Variants in COL22A1 observed in about 807,000 individuals in gnomAD.
The protein encoded by COL22A1 is collagen type XXII alpha 1 chain, also known as collagen alpha-1(XXII) chain.
COL22A1 carries 221 observed loss-of-function variants against 248.9 expected under a neutral mutation model. The ratio of observed to expected loss-of-function variants is 0.89; its 90% confidence interval spans 0.80 to 0.99. The LOEUF (loss-of-function observed/expected upper bound fraction) is 0.99. Ranked by LOEUF, COL22A1 falls within the 50% of genes least tolerant of loss-of-function variation. The probability of loss-of-function intolerance (pLI) is 0.00; values close to 1 mark genes in which losing one functional copy is unlikely to be tolerated. For synonymous variants in COL22A1, 891 were observed against 793.4 expected (o/e 1.12, Z -2.07); for missense variants, 2,240 against 2,179.0 (o/e 1.03, Z -0.56).
chr8:138,877,721 G>A (rs1823833996), intron 3 of COL22A1, 29 bp downstream of exon 3: 23 of 1,542,578 alleles, frequency 1.5e-5, no homozygotes, highest in Non-Finnish European at 1.8e-5. Flanking sequence ...ACTCTTGGGA[G>A]GGGCCGCATG....
intron 12 of COL22A1, among the ~76,000 whole-genome samples, chr8:138,791,329 G>A (rs975424387): frequency 2.6e-5 from 4 of 152,148 alleles, no homozygotes; most frequent in African/African-American, 9.7e-5. Flanking sequence ...TAGAATCAGC[G>A]GGAGACAAAT....
At chr8:138,601,598 GA>G (rs1461296883) in intron 60 of COL22A1, among the ~76,000 whole-genome samples, 1 of 151,256 alleles carries the variant, frequency 6.6e-6, no homozygotes, top group African/African-American at 2.4e-5. Context: ...CTCTTCAGAA[GA>G]AAAAAAAGAA....
intron 9 of COL22A1, among the ~76,000 whole-genome samples, chr8:138,809,913 T>C (rs996523152): frequency 3.9e-5 from 6 of 152,242 alleles, no homozygotes; most frequent in African/African-American, 1.4e-4. Flanking sequence ...TGCCAGGCTA[T>C]GTATTAGTAG....
At position 138,598,758 on chromosome 8, in the gene COL22A1, G is replaced by A. The variant is rs891548449; in HGVS notation, c.4326C>T (p.Pro1442=). 21 of 1,613,970 alleles carry A rather than the reference G, an allele frequency of 1.3e-5. No individual in the cohort carries two copies. The highest frequency in any genetic ancestry group is 1.8e-5 in the Non-Finnish European group (21 of 1,179,952). ...ATCCCGGCTGGCCTGGAGGCCCTGG[G>A]GGTCCAACTGGTCCATTCTCCCCAG... is the stretch of plus-strand genomic sequence containing the variant. ...GLPGENGPVG[P]PGPPGQPGFP... is the part of the protein sequence containing the mutation. The change falls in exon 61 of 65, where the codon CCC becomes CCT. Residue 1442 remains proline (P), a synonymous_variant. Coordinates refer to ENST00000303045, the MANE Select transcript of COL22A1 (RefSeq NM_152888.3).
intron 11 of COL22A1, among the ~76,000 whole-genome samples, chr8:138,799,286 G>A (rs949707941): frequency 6.6e-6 from 1 of 152,100 alleles, no homozygotes; most frequent in Non-Finnish European, 1.5e-5. Context: ...TTGCTTGGAA[G>A]GCTTTGTCTG....
In COL22A1 at chr8:138,845,277, C is replaced by CG. The variant is rs1554644317; in HGVS notation, c.659-1120dup. Among the ~76,000 whole-genome samples the CG allele has an allele frequency of 3.6e-4, 55 of 151,424 alleles. No individual in the cohort carries two copies. The South Asian group carries it at 4.0e-3, about 11-fold the overall frequency. ...ATGCCTGTACTTTGGGAGGCCAAGACGGGGGGGGATCACCTGAGGTCAGGA... is the reference window on the plus strand; with the variant it reads ...ATGCCTGTACTTTGGGAGGCCAAGACGGGGGGGGGATCACCTGAGGTCAGGA... On this transcript the variant is annotated intron_variant, in intron 3 of 64. Transcript: ENST00000303045.
intron 62 of COL22A1, among the ~76,000 whole-genome samples, chr8:138,595,280 G>C (rs1004508608): frequency 1.6e-4 from 24 of 152,222 alleles, no homozygotes; most frequent in African/African-American, 5.3e-4. Flanking sequence ...CAACTTTTCT[G>C]AGCCTTGATT....
chr8:138,879,903 C>T (rs912550352), intron 2 of COL22A1, among the ~76,000 whole-genome samples: 2 of 152,060 alleles, frequency 1.3e-5, no homozygotes, highest in Admixed American at 6.6e-5. Flanking sequence ...GTAGAATGGT[C>T]TGGTAGTGGC....
At chr8:138,856,606 GA>G (rs1822037475) in intron 3 of COL22A1, among the ~76,000 whole-genome samples, 1 of 151,614 alleles carries the variant, frequency 6.6e-6, no homozygotes, top group Non-Finnish European at 1.5e-5. Flanking sequence ...GAGAGAGAGA[GA>G]GAGAGAGAGA....
At chr8:138,809,748 G>C (rs1818049696) in intron 9 of COL22A1, among the ~76,000 whole-genome samples, 1 of 151,936 alleles carries the variant, frequency 6.6e-6, no homozygotes, top group African/African-American at 2.4e-5. Context: ...TCAAACTCCT[G>C]ATCTCGTGAT....
At chr8:138,906,849 T>C (rs2132188791) in intron 1 of COL22A1, among the ~76,000 whole-genome samples, 1 of 152,250 alleles carries the variant, frequency 6.6e-6, no homozygotes, top group East Asian at 1.9e-4. Flanking sequence ...GACACGGTTT[T>C]GCCATGTTGG....
At chr8:138,710,619 A>ATATATC (rs1563649532) in intron 30 of COL22A1, among the ~76,000 whole-genome samples, 98 of 151,456 alleles carry the variant, frequency 6.5e-4, no homozygotes, top group African/African-American at 2.2e-3. Context: ...ATATATATAT[A>ATATATC]TCTCCATTTC....
chr8:138,679,513 CTTATCAA>C, intron 40 of COL22A1, 97 bp downstream of exon 40: 3 of 953,352 alleles, frequency 3.1e-6, no homozygotes, highest in Non-Finnish European at 5.1e-6. Flanking sequence ...CCAAAGCCTA[CTTATCAA>C]CTAAGACTCA....
At chr8:138,688,836 G>C in intron 37 of COL22A1, 81 bp downstream of exon 37, 1 of 1,231,532 alleles carries the variant, frequency 8.1e-7, no homozygotes, top group South Asian at 1.2e-5. Flanking sequence ...AACCAGGCCC[G>C]AGCAGAGTGA....
At chr8:138,651,862 A>G (rs1489666906) in intron 45 of COL22A1, among the ~76,000 whole-genome samples, 1 of 152,202 alleles carries the variant, frequency 6.6e-6, no homozygotes. Flanking sequence ...TCCATAACAT[A>G]AAAAGATTAT....
chr8:138,729,371 G>A (rs2131200320), intron 23 of COL22A1, among the ~76,000 whole-genome samples: 2 of 152,264 alleles, frequency 1.3e-5, no homozygotes, highest in South Asian at 4.1e-4. Flanking sequence ...CTCTAAATAT[G>A]GGTTTGAAGA....
chr8:138,667,638 T>A (rs557659680), intron 41 of COL22A1, among the ~76,000 whole-genome samples: 1 of 152,344 alleles, frequency 6.6e-6, no homozygotes, highest in South Asian at 2.1e-4. Context: ...CTGCCTTCCA[T>A]ATGTCTTGTA....
chr8:138,870,650 C>A (rs901910446), intron 3 of COL22A1, among the ~76,000 whole-genome samples: 6 of 151,060 alleles, frequency 4.0e-5, no homozygotes, highest in Non-Finnish European at 8.9e-5. Flanking sequence ...ACAGTGTGTT[C>A]ATGTGGCGTG....
chr8:138,864,146 C>T (rs955113704), intron 3 of COL22A1, among the ~76,000 whole-genome samples: 6 of 151,998 alleles, frequency 3.9e-5, no homozygotes, highest in African/African-American at 1.2e-4. Flanking sequence ...TCTTCTAGAC[C>T]GCACTTCAGG....
Sources: gnomAD v4.1 joint callset for allele counts (sites outside exome capture counted in the v4.1 genomes callset) on GRCh38, gnomAD v4.1.1 for gene constraint, MANE v1.5 for transcripts, NCBI Gene and HGNC (gene_info 2026-07-23, HGNC 2026-07-21) for gene names.